The following ACIN1 variants were observed in gnomAD, a reference collection of about 807,000 sequenced individuals.
The protein encoded by ACIN1 is apoptotic chromatin condensation inducer in the nucleus.
A neutral mutation model predicts 146.6 loss-of-function variants in ACIN1; 16 were observed. The ratio of observed to expected loss-of-function variants is 0.11; its 90% confidence interval spans 0.07 to 0.17. The LOEUF (loss-of-function observed/expected upper bound fraction) is 0.17, where lower values mean the gene tolerates loss of function less well. Among genes scored for constraint, ACIN1 ranks in the 10% least tolerant of loss-of-function variants. The probability of loss-of-function intolerance (pLI) is 1.00; values close to 1 mark genes in which losing one functional copy is unlikely to be tolerated. For missense variants in ACIN1, 1,357 were observed against 1,609.3 expected, an observed-to-expected ratio of 0.84 and a Z score of 2.68; for synonymous variants, 569 against 582.7, an observed-to-expected ratio of 0.98 and a Z score of 0.34.
Position 23,068,977 on chromosome 14 carries a change from A to G in ACIN1, c.2265+499T>C. ...TAACTGAGAATGGGCCTTCCGGATC[A>G]CAAGTGCTGGCTTCTAAGTAGCTAC... On this transcript the variant is annotated intron_variant, in intron 9 of 18. Coordinates refer to ENST00000605057, the MANE Select transcript of ACIN1 (RefSeq NM_001386863.1). This position sits in a 1 kb window ranked among gnomAD's most constrained non-coding sequence, Gnocchi z 4.3. The G allele has an allele frequency of 1.0e-6, 1 of 985,248 alleles. No homozygotes were observed. Among genetic ancestry groups the G allele is most frequent in the Middle Eastern group, 5.2e-4 (1 of 1,916 alleles). The allele number at this position is 985,248 out of a possible 1,614,324, so 61.0% of individuals were successfully genotyped here.
intron 8 of ACIN1, among the ~76,000 whole-genome samples, chr14:23,072,662 C>A (rs916467004): frequency 6.6e-6 from 1 of 152,140 alleles, no homozygotes; most frequent in Non-Finnish European, 1.5e-5. Context: ...TTCTGAGAAC[C>A]AAAGCTCAGT....
rs1192706892 is a variant in ACIN1, at chr14:23,091,709, C to T, written c.205-1076G>A. Reference sequence around the variant, plus strand: ...CGCGATCTTGGCTTGCTGCAACCTCCGCCTCCTGGGTTCAAGACATTCTCC... The same window carrying T: ...CGCGATCTTGGCTTGCTGCAACCTCTGCCTCCTGGGTTCAAGACATTCTCC... On this transcript the variant is annotated intron_variant, in intron 2 of 18. Transcript: ENST00000605057. Among the ~76,000 whole-genome samples, 56 of 151,684 alleles carry T rather than the reference C, an allele frequency of 3.7e-4. 1 individual carries two copies. The highest frequency in any genetic ancestry group is 3.1e-3 in the Admixed American group (48 of 15,242).
intron 8 of ACIN1, among the ~76,000 whole-genome samples, chr14:23,073,535 G>A (rs2047719325): frequency 6.6e-6 from 1 of 152,156 alleles, no homozygotes; most frequent in African/African-American, 2.4e-5. Flanking sequence ...GTGCATGCCT[G>A]TAATCCCAGC....
intron 4 of ACIN1, among the ~76,000 whole-genome samples, chr14:23,082,601 T>A (rs573251150): frequency 6.6e-4 from 101 of 152,226 alleles, no homozygotes; most frequent in African/African-American, 2.3e-3. Context: ...CCCACCACCA[T>A]GCCTGGCTAA....
rs529267966 is a variant in ACIN1 at position 23,074,341 on chromosome 14, G to A, written c.2123+3810C>T. ...AACACTTTGGGAGGCTGAGACAGGAGGACTGCCTGAGGCCAGGAGTTTGAG... is the reference window on the plus strand; with the variant it reads ...AACACTTTGGGAGGCTGAGACAGGAAGACTGCCTGAGGCCAGGAGTTTGAG... On this transcript the variant is annotated intron_variant, in intron 8 of 18. Coordinates refer to ENST00000605057, the MANE Select transcript of ACIN1 (RefSeq NM_001386863.1). Among the ~76,000 whole-genome samples the A allele has an allele frequency of 1.1e-4, 17 of 151,914 alleles. No individual in the cohort carries two copies. In the East Asian group the frequency reaches 3.3e-3, roughly 30 times the overall value.
chr14:23,078,211 G>A lies in ACIN1; in HGVS notation c.2063C>T (p.Pro688Leu). 1 of 1,614,120 alleles carries A rather than the reference G, an allele frequency of 6.2e-7. No homozygotes were observed. Among genetic ancestry groups the A allele is most frequent in the Non-Finnish European group, 8.5e-7 (1 of 1,180,012 alleles). ...AGAGGTCTGAGTCTCTGAGGTTTGG[G>A]GCTGTGTGGCAGCTGGTGGCTCTGC... is the stretch of plus-strand genomic sequence containing the variant. ...EEAEPPAATQ[P>L]QTSETQTSHL... The change falls in exon 8 of 19, where the codon CCC becomes CTC. Residue 688 changes from proline (P) to leucine (L), a missense_variant. Transcript: ENST00000605057.
chr14:23,060,508 CTTT>C (rs57052013), intron 18 of ACIN1, among the ~76,000 whole-genome samples: 1 of 143,464 alleles, frequency 7.0e-6, no homozygotes, highest in Non-Finnish European at 1.5e-5. Flanking sequence ...CAATCAAGTT[CTTT>C]TTTTTTTTTT....
chr14:23,087,418 CA>C (rs1287056733), intron 4 of ACIN1, among the ~76,000 whole-genome samples: 1 of 151,054 alleles, frequency 6.6e-6, no homozygotes. Flanking sequence ...TTACCACATT[CA>C]TATTTTCCAA....
intron 4 of ACIN1, among the ~76,000 whole-genome samples, chr14:23,089,644 A>C (rs976611783): frequency 6.6e-6 from 1 of 152,246 alleles, no homozygotes; most frequent in African/African-American, 2.4e-5. Flanking sequence ...ACCCAACTCC[A>C]GAGGGTGACT....
At position 23,068,151 on chromosome 14, in the gene ACIN1, AC is replaced by A; in HGVS notation, c.2265+1324del. The A allele has an allele frequency of 1.0e-6, 1 of 985,860 alleles. No homozygotes were observed. Among genetic ancestry groups the A allele is most frequent in the Non-Finnish European group, 1.2e-6 (1 of 829,970 alleles). The allele number at this position is 985,860 out of a possible 1,614,324, so 61.1% of individuals were successfully genotyped here. On this transcript the variant is annotated intron_variant, in intron 9 of 18. Coordinates refer to ENST00000605057, the MANE Select transcript of ACIN1 (RefSeq NM_001386863.1). The surrounding 1 kb of genome is among the most constrained non-coding windows in gnomAD (Gnocchi z 4.3). The stretch of plus-strand genomic sequence containing the variant: ...CAGCATTAAATCCCCAGGGGCTCAG[AC>A]CCTAGACTCCTCTGCACGGTTCCTA...
Position 23,092,282 on chromosome 14 carries a change from A to G in ACIN1, c.204+1197T>C, listed in dbSNP as rs148034698. ...CTAAACATAGTAAAGGTTTATTTTC[A>G]CCTAAAGTAGAAATGAGTCTCTTGG... On this transcript the variant is annotated intron_variant, in intron 2 of 18. Transcript: ENST00000605057. Among the ~76,000 whole-genome samples the G allele has an allele frequency of 1.4e-4, 22 of 152,350 alleles. No individual in the cohort carries two copies. The East Asian group carries it at 4.0e-3, about 28-fold the overall frequency.
chr14:23,062,786 A>G, intron 14 of ACIN1, 143 bp downstream of exon 14: 1 of 1,085,764 alleles, frequency 9.2e-7, no homozygotes, highest in Non-Finnish European at 1.3e-6. Context: ...ATGGGTAAAT[A>G]TGTTAAGTAA....
intron 18 of ACIN1, among the ~76,000 whole-genome samples, chr14:23,059,723 G>A (rs1488826151): frequency 2.0e-5 from 3 of 150,456 alleles, no homozygotes; most frequent in South Asian, 2.1e-4. Flanking sequence ...GCACGATCTC[G>A]GCTCACTGCA....
In ACIN1 at chr14:23,080,610, A is replaced by G. The variant is rs1372355015; in HGVS notation, c.725T>C (p.Ile242Thr). Reference sequence around the variant, plus strand: ...CCCTTCTTCCTTAAACTCTTTCAGGATTGGTGCCTCCCTAGATTTTTGTCC... The same window carrying G: ...CCCTTCTTCCTTAAACTCTTTCAGGGTTGGTGCCTCCCTAGATTTTTGTCC... ...DEGQKSREAP[I>T]LKEFKEEGEE... The change falls in exon 6 of 19, where the codon ATC becomes ACC. Residue 242 changes from isoleucine (I) to threonine (T), a missense_variant. By Grantham distance (89) the Ile-to-Thr change is moderately conservative. Around this residue, in one of 4 missense-constraint regions of ACIN1, gnomAD observed 771 missense variants for 746.6 expected, o/e 1.03. Coordinates refer to ENST00000605057, the MANE Select transcript of ACIN1 (RefSeq NM_001386863.1). 1.9e-6 allele frequency: 3 copies of G among 1,613,928 alleles called. No individual in the cohort carries two copies. Among genetic ancestry groups the G allele is most frequent in the Non-Finnish European group, 2.5e-6 (3 of 1,179,980 alleles).
rs1342076610 is a variant in ACIN1, at chr14:23,067,849, T to C, written c.2265+1627A>G. On this transcript the variant is annotated intron_variant, in intron 9 of 18. Transcript: ENST00000605057. The surrounding 1 kb of genome is among the most constrained non-coding windows in gnomAD (Gnocchi z 4.6). ...TCTCACCGAGTGGGATCATGGAGCC[T>C]CTGATGAAGGTAGCCTGGGGGTAGG... 3.0e-6 allele frequency: 3 copies of C among 985,720 alleles called. No homozygotes were observed. In the African/African-American group the frequency reaches 5.2e-5, roughly 17 times the overall value. The allele number at this position is 985,720 out of a possible 1,614,324, so 61.1% of individuals were successfully genotyped here.
In ACIN1 at chr14:23,061,136, C is replaced by A. The variant is rs201669495; in HGVS notation, c.3473G>T (p.Arg1158Leu). Residue 1158 changes from arginine to leucine, a missense_variant, in exon 18 of 19, where the codon CGA (arginine) becomes CTA (leucine). Physicochemically the swap from Arg to Leu is moderately radical, Grantham distance 102. Coordinates refer to ENST00000605057, the MANE Select transcript of ACIN1 (RefSeq NM_001386863.1). Reference protein sequence around the residue: ...PPAKLLDDLFRKTKAAPCIYW... With the variant: ...PPAKLLDDLFLKTKAAPCIYW... ...GATGCAGGGAGCTGCCTTGGTCTTTCGGAAAAGGTCATCCAGCAGCTTGGC... is the reference window on the plus strand; with the variant it reads ...GATGCAGGGAGCTGCCTTGGTCTTTAGGAAAAGGTCATCCAGCAGCTTGGC... 1 of 1,614,126 alleles carries A rather than the reference C, an allele frequency of 6.2e-7. No individual in the cohort carries two copies. The highest frequency in any genetic ancestry group is 1.1e-5 in the South Asian group (1 of 91,084).
chr14:23,094,111 A>AACACACACAC (rs1035271217), intron 1 of ACIN1, among the ~76,000 whole-genome samples: 1 of 143,426 alleles, frequency 7.0e-6, no homozygotes, highest in Non-Finnish European at 1.5e-5. Flanking sequence ...TATCCACACA[A>AACACACACAC]ACACACACAC....
At chr14:23,062,870 A>C (rs2047331674) in intron 14 of ACIN1, 59 bp downstream of exon 14, 1 of 1,533,262 alleles carries the variant, frequency 6.5e-7, no homozygotes, top group East Asian at 2.3e-5. Flanking sequence ...AGGAGGCATA[A>C]GCCTAAAGCT....
intron 18 of ACIN1, 139 bp downstream of exon 18, chr14:23,060,945 G>A (rs911372123): frequency 7.9e-6 from 6 of 762,238 alleles, no homozygotes; most frequent in Middle Eastern, 3.7e-4. Context: ...ACTGAAAACT[G>A]CCTTTTTGTG....
Sources: gnomAD v4.1 joint callset for allele counts (sites outside exome capture counted in the v4.1 genomes callset) on GRCh38, gnomAD v4.1.1 for gene constraint, gnomAD v4.1.1 regional missense constraint, Gnocchi (gnomAD v3.1) non-coding constraint, MANE v1.5 for transcripts, NCBI Gene and HGNC (gene_info 2026-07-23, HGNC 2026-07-21) for gene names.